ADGRB3: variants seen among roughly 807,000 people sequenced by gnomAD.
The protein encoded by ADGRB3 is brain-specific angiogenesis inhibitor 3.
ADGRB3 carries 37 observed loss-of-function variants against 193.4 expected under a neutral mutation model. The observed-to-expected ratio is 0.19, with a 90% CI of 0.15 to 0.25. ADGRB3 has a LOEUF of 0.25. Among genes scored for constraint, ADGRB3 ranks in the 10% least tolerant of loss-of-function variants. ADGRB3 has a pLI of 1.00. For missense variants in ADGRB3, 1,637 were observed against 1,852.9 expected (o/e 0.88, Z 2.14); for synonymous variants, 690 against 644.2 (o/e 1.07, Z -1.08).
At chr6:69,140,588 G>A (rs182324555) in intron 17 of ADGRB3, among the ~76,000 whole-genome samples, 5 of 152,100 alleles carry the variant, frequency 3.3e-5, no homozygotes, top group African/African-American at 1.2e-4. Context: ...GCATTTAATC[G>A]CAAAACAGGA....
intron 17 of ADGRB3, among the ~76,000 whole-genome samples, chr6:69,122,691 T>C (rs1168084827): frequency 6.6e-6 from 1 of 152,030 alleles, no homozygotes; most frequent in East Asian, 1.9e-4. Flanking sequence ...TTTCATTTTG[T>C]TGCAAGAAAG....
At chr6:69,186,893 C>G (rs1400163397) in intron 17 of ADGRB3, among the ~76,000 whole-genome samples, 1 of 150,594 alleles carries the variant, frequency 6.6e-6, no homozygotes, top group Non-Finnish European at 1.5e-5. Flanking sequence ...TACCTCTATA[C>G]AGAGGTAAAA....
intron 3 of ADGRB3, among the ~76,000 whole-genome samples, chr6:68,770,997 A>G (rs528239585): frequency 6.6e-6 from 1 of 152,244 alleles, no homozygotes; most frequent in East Asian, 1.9e-4. Flanking sequence ...GTATTGTGTA[A>G]TGTGACTGGC....
intron 20 of ADGRB3, among the ~76,000 whole-genome samples, chr6:69,282,969 T>C (rs1767467315): frequency 6.6e-6 from 1 of 151,968 alleles, no homozygotes; most frequent in Non-Finnish European, 1.5e-5. Context: ...TGAGCTAGCA[T>C]AGACAGGATG....
intron 17 of ADGRB3, among the ~76,000 whole-genome samples, chr6:69,142,869 T>G (rs960865326): frequency 6.6e-6 from 1 of 152,140 alleles, no homozygotes; most frequent in Non-Finnish European, 1.5e-5. Context: ...CAAATAAGAT[T>G]GCAATTTTTT....
At chr6:69,311,340 A>G (rs1196325676) in intron 20 of ADGRB3, among the ~76,000 whole-genome samples, 1 of 151,796 alleles carries the variant, frequency 6.6e-6, no homozygotes, top group Non-Finnish European at 1.5e-5. Context: ...GTATTTCTGT[A>G]TCGTTGCAGA....
intron 3 of ADGRB3, among the ~76,000 whole-genome samples, chr6:68,850,104 A>AT (rs1277428371): frequency 6.6e-6 from 1 of 151,582 alleles, no homozygotes; most frequent in Non-Finnish European, 1.5e-5. Context: ...AAACATTCAC[A>AT]TTTTGTTCTG....
chr6:68,695,286 G>A (rs1380592301), intron 3 of ADGRB3, among the ~76,000 whole-genome samples: 1 of 151,926 alleles, frequency 6.6e-6, no homozygotes, highest in East Asian at 1.9e-4. Flanking sequence ...AATCATATCA[G>A]AGAATTTCTT....
chr6:69,245,143 C>T (rs1320731024), intron 20 of ADGRB3, among the ~76,000 whole-genome samples: 2 of 152,042 alleles, frequency 1.3e-5, no homozygotes, highest in African/African-American at 4.8e-5. Flanking sequence ...TCTAATAAAT[C>T]ATCCACCTAT....
intron 17 of ADGRB3, among the ~76,000 whole-genome samples, chr6:69,180,424 G>A (rs943113924): frequency 2.0e-5 from 3 of 152,180 alleles, no homozygotes; most frequent in African/African-American, 7.2e-5. Flanking sequence ...TAGAGAATCT[G>A]TCTAGGTGTG....
chr6:68,958,180 G>C (rs1309806935), intron 8 of ADGRB3, among the ~76,000 whole-genome samples: 5 of 151,790 alleles, frequency 3.3e-5, no homozygotes, highest in African/African-American at 1.2e-4. Context: ...CAGCCTGCGT[G>C]ACAGAGCAAG....
chr6:68,810,649 T>C (rs1767493010), intron 3 of ADGRB3, among the ~76,000 whole-genome samples: 1 of 151,954 alleles, frequency 6.6e-6, no homozygotes, highest in African/African-American at 2.4e-5. Context: ...ATGCATGAGA[T>C]AAGAAAAATA....
At chr6:69,208,510 C>G (rs879478904) in intron 17 of ADGRB3, among the ~76,000 whole-genome samples, 5 of 152,218 alleles carry the variant, frequency 3.3e-5, no homozygotes, top group Non-Finnish European at 5.9e-5. Context: ...GTTCTGCCCA[C>G]TGGGAAGATT....
At chr6:69,290,757 T>A (rs1767649745) in intron 20 of ADGRB3, among the ~76,000 whole-genome samples, 1 of 152,192 alleles carries the variant, frequency 6.6e-6, no homozygotes, top group African/African-American at 2.4e-5. Flanking sequence ...GTCTATCATA[T>A]ATAGCAGTAT....
At chr6:68,789,042 G>A (rs1383334976) in intron 3 of ADGRB3, among the ~76,000 whole-genome samples, 6 of 151,938 alleles carry the variant, frequency 3.9e-5, no homozygotes, top group African/African-American at 1.2e-4. Flanking sequence ...TTGAGCCTAT[G>A]TGTGTCTCTG....
intron 8 of ADGRB3, among the ~76,000 whole-genome samples, chr6:68,963,541 T>C (rs886111818): frequency 6.6e-6 from 1 of 152,178 alleles, no homozygotes; most frequent in Non-Finnish European, 1.5e-5. Context: ...CCTACTCATT[T>C]ATGATATATA....
At chr6:69,239,017 G>T in intron 19 of ADGRB3, 107 bp from the exon 20 acceptor site, 1 of 537,258 alleles carries the variant, frequency 1.9e-6, no homozygotes. Flanking sequence ...ATATTCCTGT[G>T]CTACAGTACT....
intron 12 of ADGRB3, among the ~76,000 whole-genome samples, chr6:69,017,625 G>A (rs552818917): frequency 6.6e-6 from 1 of 151,954 alleles, no homozygotes; most frequent in African/African-American, 2.4e-5. Context: ...GGACCATGGA[G>A]GCAGATGGTC....
chr6:69,290,921 G>A (rs1412482945), intron 20 of ADGRB3, among the ~76,000 whole-genome samples: 1 of 151,818 alleles, frequency 6.6e-6, no homozygotes, highest in East Asian at 1.9e-4. Flanking sequence ...TATAATTCTA[G>A]GCCAAAGATA....
Sources: gnomAD v4.1 joint callset for allele counts (sites outside exome capture counted in the v4.1 genomes callset) on GRCh38, gnomAD v4.1.1 for gene constraint, MANE v1.5 for transcripts, NCBI Gene and HGNC (gene_info 2026-07-23, HGNC 2026-07-21) for gene names.